Variants in EP300 observed in about 807,000 individuals in gnomAD.
EP300 encodes the protein EP300 lysine acetyltransferase.
In EP300, 31 loss-of-function variants were observed where a neutral mutation model predicts 264.0. The ratio of observed to expected loss-of-function variants is 0.12; its 90% confidence interval spans 0.09 to 0.16. The LOEUF (loss-of-function observed/expected upper bound fraction) is 0.16, where lower values mean the gene tolerates loss of function less well. Among genes scored for constraint, EP300 ranks in the 10% least tolerant of loss-of-function variants. EP300 has a pLI of 1.00. For missense variants in EP300, 2,766 were observed against 3,052.9 expected, an observed-to-expected ratio of 0.91 and a Z score of 2.21; for synonymous variants, 1,340 against 1,045.4, an observed-to-expected ratio of 1.28 and a Z score of -5.44.
At chr22:41,162,339 T>C (rs1435693589) in intron 20 of EP300, among the ~76,000 whole-genome samples, 1 of 152,182 alleles carries the variant, frequency 6.6e-6, no homozygotes, top group Non-Finnish European at 1.5e-5. Context: ...GGATCCTAGT[T>C]GGAGAATGGT....
In EP300 at chr22:41,179,976, A is replaced by T. The variant is rs1173093937; in HGVS notation, c.*1020A>T. The T allele has an allele frequency of 4.4e-6, 1 of 229,308 alleles. No individual in the cohort carries two copies. The highest frequency in any genetic ancestry group is 2.2e-5 in the African/African-American group (1 of 45,150). The allele number at this position is 229,308 out of a possible 1,614,324, so 14.2% of individuals were successfully genotyped here. Reference sequence around the variant, plus strand: ...ACCCTCAACTGTTGTAAATCATGCAATTAAAGTTGATTACTTATAAATATG... The same window carrying T: ...ACCCTCAACTGTTGTAAATCATGCATTTAAAGTTGATTACTTATAAATATG... On this transcript the variant is annotated 3_prime_UTR_variant, in exon 31 of 31. Coordinates refer to ENST00000263253, the MANE Select transcript of EP300 (RefSeq NM_001429.4).
At chr22:41,096,612 CT>C (rs749353769) in intron 1 of EP300, among the ~76,000 whole-genome samples, 12,493 of 104,480 alleles carry the variant, frequency 0.12, 501 homozygotes, top group African/African-American at 0.22. Context: ...GTCAGCTCTA[CT>C]TTTTTTTTTT....
chr22:41,180,042 A>G lies in EP300; in HGVS notation c.*1086A>G, dbSNP rs1176910140. On this transcript the variant is annotated 3_prime_UTR_variant, in exon 31 of 31. Transcript: ENST00000263253. Reference sequence around the variant, plus strand: ...TATAGACTGTTAAATTTGATTTCTTATTACCTATTGTTAAATAAACTGTGT... The same window carrying G: ...TATAGACTGTTAAATTTGATTTCTTGTTACCTATTGTTAAATAAACTGTGT... The G allele has an allele frequency of 1.7e-5, 4 of 230,640 alleles. No individual in the cohort carries two copies. Among genetic ancestry groups the G allele is most frequent in the Non-Finnish European group, 3.4e-5 (4 of 116,246 alleles). The allele number at this position is 230,640 out of a possible 1,614,324, so 14.3% of individuals were successfully genotyped here.
chr22:41,149,566 T>G (rs540422968), intron 13 of EP300, among the ~76,000 whole-genome samples, 195 bp from the exon 14 acceptor site: 72 of 152,326 alleles, frequency 4.7e-4, no homozygotes, highest in African/African-American at 1.6e-3. Context: ...TGAAGTCTCT[T>G]TAGTTAAGTA....
rs1009523687 is a variant in EP300, at chr22:41,107,625, C to T, written c.95-9562C>T. 6.6e-5 allele frequency among the ~76,000 whole-genome samples: 10 copies of T among 152,036 alleles called. 1 individual carries two copies. The highest frequency in any genetic ancestry group is 6.6e-4 in the Admixed American group (10 of 15,252). ...GGTTATGCTTCATTTATATATAATACTTCATTTGTTCAATTTCTCACGTAT... is the reference window on the plus strand; with the variant it reads ...GGTTATGCTTCATTTATATATAATATTTCATTTGTTCAATTTCTCACGTAT... On this transcript the variant is annotated intron_variant, in intron 1 of 30. Coordinates refer to ENST00000263253, the MANE Select transcript of EP300 (RefSeq NM_001429.4).
At chr22:41,161,067 C>G (rs1260437300) in intron 20 of EP300, among the ~76,000 whole-genome samples, 2 of 152,194 alleles carry the variant, frequency 1.3e-5, no homozygotes, top group African/African-American at 4.8e-5. Context: ...AGGAAGCAAT[C>G]AGCTTCTCTT....
At position 41,146,814 on chromosome 22, in the gene EP300, C is replaced by G. The variant is rs1195683197; in HGVS notation, c.2129C>G (p.Ser710Cys). Reference sequence around the variant, plus strand: ...ATGATGCCTCGAATAACTCCACAATCTGGTAAATAGTGAAAAAAATTTTTT... The same window carrying G: ...ATGATGCCTCGAATAACTCCACAATGTGGTAAATAGTGAAAAAAATTTTTT... ...NQMMPRITPQ[S>C]GLNQFGQMSM... Residue 710 changes from serine (S) to cysteine (C), a missense_variant and splice_region_variant, in exon 11 of 31, where the codon TCT becomes TGT. Ser to Cys is a moderately radical substitution (Grantham distance 112). Coordinates refer to ENST00000263253, the MANE Select transcript of EP300 (RefSeq NM_001429.4). 1.9e-6 allele frequency: 3 copies of G among 1,613,978 alleles called. No individual in the cohort carries two copies. The highest frequency in any genetic ancestry group is 2.7e-5 in the African/African-American group (2 of 75,046).
At chr22:41,142,305 C>A (rs1443681025) in intron 10 of EP300, among the ~76,000 whole-genome samples, 1 of 152,210 alleles carries the variant, frequency 6.6e-6, no homozygotes, top group Non-Finnish European at 1.5e-5. Context: ...CTGAGAAGTT[C>A]ATCTCTTTCA....
chr22:41,126,116 C>T (rs1328365886), intron 3 of EP300, 76 bp downstream of exon 3: 6 of 1,470,142 alleles, frequency 4.1e-6, no homozygotes, highest in Non-Finnish European at 4.7e-6. Flanking sequence ...TTTCACCCTT[C>T]TGTTATATAT....
chr22:41,108,244 CTTTTTTTTTTT>C (rs1184276266), intron 1 of EP300: 2 of 112,066 alleles, frequency 1.8e-5, no homozygotes, highest in South Asian at 3.0e-4. Flanking sequence ...TTTTCTTTTT[CTTTTTTTTTTT>C]TTTTTTTTTT....
chr22:41,117,536 G>C lies in EP300; in HGVS notation c.444G>C (p.Thr148=), dbSNP rs376779611. 42 of 1,614,090 alleles carry C rather than the reference G, an allele frequency of 2.6e-5. No individual in the cohort carries two copies. The highest frequency in any genetic ancestry group is 5.3e-5 in the African/African-American group (4 of 74,944). Residue 148 remains threonine, a synonymous_variant, in exon 2 of 31, where the codon ACG becomes ACC. Transcript: ENST00000263253. The part of the protein sequence containing the change: ...MGTSGPNQGP[T]QSTGMMNSPV... ...CTAGTGGACCAAATCAGGGTCCTAC[G>C]CAGTCAACAGGTATGATGAACAGTC...
chr22:41,170,526 A>C lies in EP300; in HGVS notation c.4407A>C (p.Lys1469Asn). 1 of 1,614,178 alleles carries C rather than the reference A, an allele frequency of 6.2e-7. No homozygotes were observed. Among genetic ancestry groups the C allele is most frequent in the Non-Finnish European group, 8.5e-7 (1 of 1,180,022 alleles). Residue 1469 changes from lysine (K) to asparagine (N), a missense_variant, in exon 27 of 31, where the codon AAA (lysine) becomes AAC (asparagine). Transcript: ENST00000263253. The stretch of plus-strand genomic sequence containing the variant: ...AGCGACTGCAGGAATGGTACAAAAA[A>C]ATGCTTGACAAGGCTGTATCAGAGC... The part of the protein sequence containing the change: ...KPKRLQEWYK[K>N]MLDKAVSERI...
At chr22:41,111,927 G>A (rs551541254) in intron 1 of EP300, among the ~76,000 whole-genome samples, 4 of 108,204 alleles carry the variant, frequency 3.7e-5, no homozygotes, top group Admixed American at 1.4e-4. Flanking sequence ...TCACTCTGTC[G>A]CCCAGGCTGG....
intron 1 of EP300, among the ~76,000 whole-genome samples, chr22:41,101,550 T>A (rs1243196397): frequency 6.6e-6 from 1 of 151,952 alleles, no homozygotes; most frequent in Non-Finnish European, 1.5e-5. Flanking sequence ...TGGCTGGGAC[T>A]ACAGGCACCC....
At chr22:41,114,272 C>T (rs2058809706) in intron 1 of EP300, among the ~76,000 whole-genome samples, 4 of 152,174 alleles carry the variant, frequency 2.6e-5, no homozygotes. Flanking sequence ...GCCTCAACTT[C>T]CCAAGCTGCC....
intron 1 of EP300, among the ~76,000 whole-genome samples, chr22:41,098,674 G>C (rs1041486673): frequency 2.0e-5 from 3 of 152,112 alleles, no homozygotes; most frequent in African/African-American, 7.2e-5. Flanking sequence ...CCTGGCCCTA[G>C]AAGTAATTTT....
chr22:41,160,357 C>T (rs1397313325), intron 19 of EP300: 3 of 396,836 alleles, frequency 7.6e-6, no homozygotes, highest in African/African-American at 2.1e-5. Context: ...CTCATTTCTT[C>T]GTTTGTTTTG....
chr22:41,158,645 T>G (rs2059090918), intron 19 of EP300, 145 bp downstream of exon 19: 1 of 688,748 alleles, frequency 1.5e-6, no homozygotes, highest in African/African-American at 1.8e-5. Context: ...TTTTGCCTTC[T>G]GCCTTTGTTT....
At chr22:41,105,036 A>C (rs552739414) in intron 1 of EP300, among the ~76,000 whole-genome samples, 2 of 152,030 alleles carry the variant, frequency 1.3e-5, no homozygotes, top group East Asian at 3.9e-4. Context: ...CTCTACTAAA[A>C]ATACAGAAAA....
Sources: allele counts gnomAD v4.1 joint callset (sites outside exome capture counted in the v4.1 genomes callset), GRCh38; gene constraint gnomAD v4.1.1; transcripts MANE v1.5; gene names NCBI Gene and HGNC (gene_info 2026-07-23, HGNC 2026-07-21).